The following XKR9 variants were observed in gnomAD, a reference collection of about 807,000 sequenced individuals.
XKR9 encodes the protein XK related 9.
XKR9 carries 32 observed loss-of-function variants against 32.0 expected under a neutral mutation model. The ratio of observed to expected loss-of-function variants is 1.00; its 90% CI spans 0.76 to 1.34. The LOEUF (loss-of-function observed/expected upper bound fraction) is 1.34. Ranked by LOEUF, XKR9 falls within the 40% of genes most tolerant of loss-of-function variation. The pLI is 0.00. For synonymous variants in XKR9, 168 were observed against 143.4 expected (o/e 1.17, Z -1.22); for missense variants, 546 against 429.7 (o/e 1.27, Z -2.39).
intron 2 of XKR9, among the ~76,000 whole-genome samples, chr8:70,742,511 A>C (rs1271173515): frequency 6.6e-6 from 1 of 152,204 alleles, no homozygotes; most frequent in Non-Finnish European, 1.5e-5. Context: ...TGAAGATTTA[A>C]ATGTCTATGT....
chr8:70,875,820 A>G, the XKR9 span, among the ~76,000 whole-genome samples: 1 of 152,200 alleles, frequency 6.6e-6, no homozygotes, highest in Non-Finnish European at 1.5e-5. Flanking sequence ...CTTTGTCATA[A>G]TATGAGATAG....
rs1440242277 is a variant in XKR9, at chr8:70,696,009, G to A, written c.273-10924G>A. ...TAAGAAGTGTCTGTTCATGTCCTTC[G>A]CCCACTTTTTGATGGGGTTGTTTTT... On this transcript the variant is annotated intron_variant, in intron 3 of 4. Transcript: ENST00000408926. Among the ~76,000 whole-genome samples the A allele has an allele frequency of 9.3e-5, 14 of 151,290 alleles. No individual in the cohort carries two copies. The South Asian group carries it at 2.3e-3, about 25-fold the overall frequency.
At chr8:70,911,974 G>A in the XKR9 span, among the ~76,000 whole-genome samples, 1 of 152,182 alleles carries the variant, frequency 6.6e-6, no homozygotes, top group East Asian at 1.9e-4. Context: ...GAAGCCTGTA[G>A]GAGTTAATAC....
chr8:70,756,343 C>T (rs891139710), intron 2 of XKR9, among the ~76,000 whole-genome samples: 2 of 152,126 alleles, frequency 1.3e-5, no homozygotes, highest in Non-Finnish European at 2.9e-5. Flanking sequence ...TTTTAATTGT[C>T]CAGACTCCCT....
the XKR9 span, among the ~76,000 whole-genome samples, chr8:70,902,691 T>A: frequency 3.9e-5 from 6 of 152,208 alleles, no homozygotes; most frequent in Non-Finnish European, 1.5e-5. Flanking sequence ...AGAGAGGGCA[T>A]CCCTGTCTTG....
the XKR9 span, among the ~76,000 whole-genome samples, chr8:70,915,934 A>C: frequency 6.6e-6 from 1 of 152,174 alleles, no homozygotes; most frequent in Admixed American, 6.5e-5. Flanking sequence ...AGTCAACCAC[A>C]AGCTAACATC....
chr8:70,742,687 G>T (rs544720068), intron 2 of XKR9, among the ~76,000 whole-genome samples: 20 of 151,996 alleles, frequency 1.3e-4, no homozygotes, highest in African/African-American at 4.8e-4. Context: ...GAGTTGACAG[G>T]TTTTTTCCTT....
At chr8:71,036,241 A>G in the XKR9 span, among the ~76,000 whole-genome samples, 1 of 152,216 alleles carries the variant, frequency 6.6e-6, no homozygotes, top group Non-Finnish European at 1.5e-5. Context: ...TTATGGCCTC[A>G]TAACCATATT....
chr8:70,868,654 C>T, the XKR9 span, among the ~76,000 whole-genome samples: 3 of 152,106 alleles, frequency 2.0e-5, no homozygotes, highest in African/African-American at 7.2e-5. Flanking sequence ...GAGGGGCTAC[C>T]GTGAAAACCT....
chr8:70,689,670 AT>A (rs777505901), intron 3 of XKR9, among the ~76,000 whole-genome samples: 1 of 152,058 alleles, frequency 6.6e-6, no homozygotes, highest in Non-Finnish European at 1.5e-5. Flanking sequence ...ATACTGTGCA[AT>A]GGCATAGTAC....
chr8:70,883,537 C>A, the XKR9 span, among the ~76,000 whole-genome samples: 1 of 151,994 alleles, frequency 6.6e-6, no homozygotes, highest in Non-Finnish European at 1.5e-5. Context: ...ATTTTTAGTT[C>A]CTTAAGGAAT....
At chr8:70,865,539 G>A in the XKR9 span, among the ~76,000 whole-genome samples, 1 of 150,910 alleles carries the variant, frequency 6.6e-6, no homozygotes, top group African/African-American at 2.4e-5. Context: ...TTAAAGTTTT[G>A]TTTTCTGCAA....
At chr8:70,844,444 C>A in the XKR9 span, among the ~76,000 whole-genome samples, 1 of 152,216 alleles carries the variant, frequency 6.6e-6, no homozygotes, top group African/African-American at 2.4e-5. Context: ...CTCTGTCCCC[C>A]AGCACCAGGG....
chr8:70,942,509 A>G, the XKR9 span, among the ~76,000 whole-genome samples: 1 of 152,174 alleles, frequency 6.6e-6, no homozygotes, highest in Admixed American at 6.6e-5. Flanking sequence ...GGAAAATCCC[A>G]TAAGAGGGAA....
chr8:70,776,868 C>G (rs1807527366), intron 2 of XKR9, among the ~76,000 whole-genome samples: 1 of 150,362 alleles, frequency 6.7e-6, no homozygotes, highest in Non-Finnish European at 1.5e-5. Flanking sequence ...TCTGGCCTGC[C>G]ATTACATTCT....
the XKR9 span, among the ~76,000 whole-genome samples, chr8:70,796,799 C>A: frequency 6.6e-6 from 1 of 152,260 alleles, no homozygotes; most frequent in African/African-American, 2.4e-5. Context: ...CACATAGTAA[C>A]CACTTAATAC....
intron 3 of XKR9, among the ~76,000 whole-genome samples, chr8:70,685,490 T>TATAATAATA (rs56223664): frequency 0.07 from 9,930 of 141,510 alleles, 429 homozygotes; most frequent in Non-Finnish European, 0.087. Context: ...AAACTTAAAG[T>TATAATAATA]ATAATAATAA....
the XKR9 span, among the ~76,000 whole-genome samples, chr8:70,889,676 A>AT: frequency 1.3e-5 from 2 of 151,670 alleles, no homozygotes; most frequent in African/African-American, 4.8e-5. Flanking sequence ...GTAATATTTG[A>AT]TTTTTTGTTT....
chr8:71,064,473 C>A, the XKR9 span, among the ~76,000 whole-genome samples: 8 of 151,986 alleles, frequency 5.3e-5, no homozygotes, highest in Non-Finnish European at 1.2e-4. Flanking sequence ...CTTTTTATAT[C>A]TGGTAAAATA....
Sources: allele counts gnomAD v4.1 joint callset (sites outside exome capture counted in the v4.1 genomes callset), GRCh38; gene constraint gnomAD v4.1.1; transcripts MANE v1.5; gene names NCBI Gene and HGNC (gene_info 2026-07-23, HGNC 2026-07-21).